The following RNLS variants were observed in gnomAD, a reference collection of about 807,000 sequenced individuals.
RNLS encodes renalase.
A neutral mutation model predicts 39.8 loss-of-function variants in RNLS; 39 were observed. The observed-to-expected ratio is 0.98, with a 90% CI of 0.76 to 1.28. The LOEUF is 1.28. RNLS is among the 50% of genes most tolerant of loss of function. RNLS has a pLI of 0.00. For synonymous variants in RNLS, 147 were observed against 150.7 expected (o/e 0.98, Z 0.18); for missense variants, 410 against 413.3 (o/e 0.99, Z 0.07).
intron 4 of RNLS, among the ~76,000 whole-genome samples, chr10:88,385,612 A>G (rs191278107): frequency 4.6e-5 from 7 of 152,326 alleles, no homozygotes; most frequent in Admixed American, 4.6e-4. Flanking sequence ...CCAAGCAAAG[A>G]GCCCAGATGG....
intron 4 of RNLS, chr10:88,545,448 A>C (rs1269889240): frequency 2.2e-6 from 1 of 456,290 alleles, no homozygotes; most frequent in African/African-American, 2.0e-5. Flanking sequence ...GAGCAAAGGC[A>C]TGACTTACGT....
At chr10:88,564,337 A>G (rs1367139226) in intron 4 of RNLS, among the ~76,000 whole-genome samples, 4 of 151,900 alleles carry the variant, frequency 2.6e-5, no homozygotes, top group Non-Finnish European at 4.4e-5. Flanking sequence ...ACACACACAC[A>G]CACACACACA....
intron 5 of RNLS, among the ~76,000 whole-genome samples, chr10:88,336,022 G>T (rs1377225463): frequency 6.6e-6 from 1 of 152,222 alleles, no homozygotes; most frequent in Non-Finnish European, 1.5e-5. Flanking sequence ...AAGAAGTATG[G>T]ATAGATAAAG....
chr10:88,349,846 GATGA>G (rs1349822968), intron 5 of RNLS, among the ~76,000 whole-genome samples: 2 of 151,980 alleles, frequency 1.3e-5, no homozygotes, highest in East Asian at 1.9e-4. Context: ...AAAATAATGA[GATGA>G]ATATTTGCAA....
intron 6 of RNLS, among the ~76,000 whole-genome samples, chr10:88,276,924 T>C (rs1842832052): frequency 6.6e-6 from 1 of 152,184 alleles, no homozygotes; most frequent in Non-Finnish European, 1.5e-5. Flanking sequence ...TTTCAAAATG[T>C]CACTCCATAA....
At chr10:88,573,770 T>G (rs1224507635) in intron 3 of RNLS, among the ~76,000 whole-genome samples, 2 of 152,090 alleles carry the variant, frequency 1.3e-5, no homozygotes, top group Non-Finnish European at 2.9e-5. Flanking sequence ...GAGCTACAAA[T>G]TATACCTGTT....
the RNLS span, among the ~76,000 whole-genome samples, chr10:88,174,928 A>G: frequency 6.6e-6 from 1 of 152,106 alleles, no homozygotes; most frequent in Non-Finnish European, 1.5e-5. Flanking sequence ...TAATGATTCA[A>G]TCTTGTTACT....
At chr10:88,353,306 G>T (rs188944151) in intron 5 of RNLS, among the ~76,000 whole-genome samples, 1 of 152,092 alleles carries the variant, frequency 6.6e-6, no homozygotes, top group African/African-American at 2.4e-5. Flanking sequence ...TGATGTTAGG[G>T]TGTCAATTTT....
chr10:88,263,806 G>GTCT, the RNLS span, among the ~76,000 whole-genome samples: 1,786 of 152,054 alleles, frequency 0.012, 12 homozygotes, highest in Middle Eastern at 0.02. Context: ...TAATGGCAAT[G>GTCT]TCTTCTTCTT....
the RNLS span, among the ~76,000 whole-genome samples, chr10:88,240,561 G>C: frequency 1.3e-5 from 2 of 151,856 alleles, no homozygotes; most frequent in Admixed American, 6.6e-5. Context: ...CAGCCACCTC[G>C]TCTAGAAAGC....
chr10:88,506,433 C>G lies in RNLS; in HGVS notation c.526+66470G>C, dbSNP rs915515308. 3.3e-5 allele frequency among the ~76,000 whole-genome samples: 5 copies of G among 151,862 alleles called. 1 individual carries two copies. Among genetic ancestry groups the G allele is most frequent in the Non-Finnish European group, 7.4e-5 (5 of 67,940 alleles). ...GTATTTTGATTATAAAACAGAATAT[C>G]CTTACTTTTAAGTGATGCATGCTGA... is the stretch of plus-strand genomic sequence containing the variant. On this transcript the variant is annotated intron_variant, in intron 4 of 6. Transcript: ENST00000331772.
chr10:88,577,150 T>C (rs1850257670), intron 3 of RNLS, among the ~76,000 whole-genome samples: 1 of 152,164 alleles, frequency 6.6e-6, no homozygotes, highest in African/African-American at 2.4e-5. Context: ...CAATATCCAC[T>C]TCCCCCTATG....
chr10:88,401,524 G>T (rs1468212397), intron 4 of RNLS, among the ~76,000 whole-genome samples: 2 of 151,944 alleles, frequency 1.3e-5, no homozygotes, highest in Admixed American at 6.6e-5. Flanking sequence ...TCAAGATTTT[G>T]CATTGCCCAA....
the RNLS span, among the ~76,000 whole-genome samples, chr10:88,246,846 G>A: frequency 6.6e-6 from 1 of 152,166 alleles, no homozygotes; most frequent in African/African-American, 2.4e-5. Flanking sequence ...TTTTACATGT[G>A]TAACCAGCCA....
At chr10:88,560,941 A>AACACACACAC (rs35709088) in intron 4 of RNLS, among the ~76,000 whole-genome samples, 64 of 145,810 alleles carry the variant, frequency 4.4e-4, no homozygotes, top group African/African-American at 1.4e-3. Flanking sequence ...GTTCAGAGAT[A>AACACACACAC]ACACACACAC....
chr10:88,551,952 G>A (rs922630147), intron 4 of RNLS, among the ~76,000 whole-genome samples: 1 of 152,152 alleles, frequency 6.6e-6, no homozygotes, highest in Non-Finnish European at 1.5e-5. Context: ...AGCAGCAAGG[G>A]AATGAAAACG....
the RNLS span, among the ~76,000 whole-genome samples, chr10:88,211,632 A>G: frequency 1.3e-4 from 20 of 152,186 alleles, no homozygotes; most frequent in Non-Finnish European, 2.4e-4. Flanking sequence ...GGGGTGAGAC[A>G]GCATAACATG....
rs1045753181 is a variant in RNLS, at chr10:88,309,343, C to T, written c.876+5123G>A. The T allele has an allele frequency of 6.3e-6, 7 of 1,108,314 alleles. No homozygotes were observed. In the African/African-American group the frequency reaches 1.1e-4, roughly 18 times the overall value. 68.7% of individuals were successfully genotyped at this position (1,108,314 alleles called of 1,614,324 possible). A position where few individuals can be genotyped will look rare whatever the true frequency, so the allele number is the denominator to read the frequency against. On this transcript the variant is annotated intron_variant, in intron 6 of 6. Transcript: ENST00000331772. ...AGCAAGAAAAAATTAAAATATCAATCACCACCTGACTTTTCAATGCTGAAA... is the reference window on the plus strand; with the variant it reads ...AGCAAGAAAAAATTAAAATATCAATTACCACCTGACTTTTCAATGCTGAAA...
chr10:88,284,573 A>C lies in RNLS; in HGVS notation c.*781T>G. 12 of 985,350 alleles carry C rather than the reference A, an allele frequency of 1.2e-5. No individual in the cohort carries two copies. Among genetic ancestry groups the C allele is most frequent in the Non-Finnish European group, 1.4e-5 (12 of 829,838 alleles). 61.0% of individuals were successfully genotyped at this position (985,350 alleles called of 1,614,324 possible). ...AAACTCGACACAGTCTAAATGCCAC[A>C]GCACATACTGGAGAACCCATAAAGT... On this transcript the variant is annotated 3_prime_UTR_variant, in exon 7 of 7. Coordinates refer to ENST00000331772, the MANE Select transcript of RNLS (RefSeq NM_001031709.3).
Sources: gnomAD v4.1 joint callset for allele counts (sites outside exome capture counted in the v4.1 genomes callset) on GRCh38, gnomAD v4.1.1 for gene constraint, MANE v1.5 for transcripts, NCBI Gene and HGNC (gene_info 2026-07-23, HGNC 2026-07-21) for gene names.